Variants in SPAG16 observed in about 807,000 individuals in gnomAD.
SPAG16 encodes sperm-associated antigen 16 protein.
Under a neutral mutation model 80.4 loss-of-function variants are expected in SPAG16, and 86 were observed. That is an observed-to-expected ratio of 1.07 (90% CI 0.90 to 1.28). SPAG16 has a LOEUF of 1.28. SPAG16 is among the 50% of genes most tolerant of loss of function. SPAG16 has a pLI of 0.00. For synonymous variants in SPAG16, 294 were observed against 265.9 expected (o/e 1.11, Z -1.03); for missense variants, 870 against 765.3 (o/e 1.14, Z -1.61).
At chr2:213,853,328 C>G (rs2075000710) in intron 10 of SPAG16, among the ~76,000 whole-genome samples, 1 of 152,180 alleles carries the variant, frequency 6.6e-6, no homozygotes, top group Non-Finnish European at 1.5e-5. Flanking sequence ...CACCTACACA[C>G]ACTCCCTCCA....
intron 10 of SPAG16, among the ~76,000 whole-genome samples, chr2:213,858,454 A>AT (rs1460521691): frequency 7.9e-5 from 12 of 152,296 alleles, no homozygotes; most frequent in African/African-American, 2.9e-4. Context: ...GCAATAAAGT[A>AT]TTTTTTCATT....
At chr2:213,601,310 G>C (rs1256099179) in intron 10 of SPAG16, among the ~76,000 whole-genome samples, 2 of 152,174 alleles carry the variant, frequency 1.3e-5, no homozygotes, top group Non-Finnish European at 2.9e-5. Context: ...TGTTTTGGAA[G>C]AGATGGAGGG....
chr2:214,410,089 G>A, intron 15 of SPAG16, 51 bp from the exon 16 acceptor site: 1 of 1,596,330 alleles, frequency 6.3e-7, no homozygotes, highest in Non-Finnish European at 8.6e-7. Context: ...GTGAACACTT[G>A]AAATAAAACT....
At chr2:214,258,547 A>G (rs1435474874) in intron 15 of SPAG16, among the ~76,000 whole-genome samples, 1 of 150,648 alleles carries the variant, frequency 6.6e-6, no homozygotes, top group African/African-American at 2.4e-5. Flanking sequence ...TTGTTGGTTG[A>G]TGGGCATTTC....
chr2:214,164,278 A>G (rs139104937), intron 15 of SPAG16, among the ~76,000 whole-genome samples: 1 of 152,300 alleles, frequency 6.6e-6, no homozygotes, highest in African/African-American at 2.4e-5. Flanking sequence ...CCAAGTGGTG[A>G]TAAGTCTTAT....
chr2:214,319,253 G>C (rs1695927221), intron 15 of SPAG16, among the ~76,000 whole-genome samples: 1 of 127,614 alleles, frequency 7.8e-6, no homozygotes, highest in Non-Finnish European at 1.8e-5. Context: ...TGAAAGGTCA[G>C]GTTGTGTTTA....
chr2:214,282,867 A>T (rs1693058648), intron 15 of SPAG16, among the ~76,000 whole-genome samples: 1 of 152,122 alleles, frequency 6.6e-6, no homozygotes, highest in Non-Finnish European at 1.5e-5. Flanking sequence ...TTGACATATT[A>T]TGTATGATAG....
At chr2:214,233,931 G>C (rs1212525489) in intron 15 of SPAG16, among the ~76,000 whole-genome samples, 1 of 151,936 alleles carries the variant, frequency 6.6e-6, no homozygotes, top group Non-Finnish European at 1.5e-5. Context: ...GCATGTACAG[G>C]TTTGTTACAT....
At chr2:213,407,329 CT>C (rs1273703799) in intron 9 of SPAG16, among the ~76,000 whole-genome samples, 3 of 151,940 alleles carry the variant, frequency 2.0e-5, no homozygotes, top group African/African-American at 7.3e-5. Flanking sequence ...GGGGTTGAGC[CT>C]TCCAGGGCAA....
intron 9 of SPAG16, among the ~76,000 whole-genome samples, chr2:213,421,361 C>A (rs1454030797): frequency 6.6e-6 from 1 of 152,244 alleles, no homozygotes; most frequent in African/African-American, 2.4e-5. Flanking sequence ...CATTGGGCAC[C>A]AACAAACACA....
At chr2:213,705,689 T>A (rs572256386) in intron 10 of SPAG16, among the ~76,000 whole-genome samples, 1 of 152,288 alleles carries the variant, frequency 6.6e-6, no homozygotes, top group East Asian at 1.9e-4. Flanking sequence ...ACTTCTAAAC[T>A]CCCTTAAAGC....
intron 10 of SPAG16, among the ~76,000 whole-genome samples, chr2:213,700,401 A>T (rs906390997): frequency 1.3e-5 from 2 of 152,104 alleles, no homozygotes; most frequent in African/African-American, 4.8e-5. Flanking sequence ...TGTTATTTAT[A>T]AGAGGTGGAA....
At chr2:213,604,902 C>A (rs959825064) in intron 10 of SPAG16, among the ~76,000 whole-genome samples, 6 of 149,350 alleles carry the variant, frequency 4.0e-5, no homozygotes, top group Admixed American at 1.3e-4. Flanking sequence ...ATTTTGTAAA[C>A]GTTTTTGTAA....
At chr2:214,243,004 A>T (rs1348009297) in intron 15 of SPAG16, among the ~76,000 whole-genome samples, 1 of 152,142 alleles carries the variant, frequency 6.6e-6, no homozygotes, top group Non-Finnish European at 1.5e-5. Flanking sequence ...TGGAAAGATA[A>T]ATGTTTTGAG....
chr2:213,792,295 T>C (rs978571131), intron 10 of SPAG16, among the ~76,000 whole-genome samples: 6 of 152,222 alleles, frequency 3.9e-5, no homozygotes, highest in African/African-American at 1.2e-4. Context: ...TTTGACTTCA[T>C]TGAAGTTCTG....
chr2:213,418,239 A>T (rs2069382747), intron 9 of SPAG16, among the ~76,000 whole-genome samples: 1 of 152,046 alleles, frequency 6.6e-6, no homozygotes, highest in South Asian at 2.1e-4. Context: ...ATATACATGG[A>T]TATTTATATC....
At chr2:213,320,716 A>G (rs2063578073) in intron 5 of SPAG16, among the ~76,000 whole-genome samples, 1 of 151,970 alleles carries the variant, frequency 6.6e-6, no homozygotes, top group African/African-American at 2.4e-5. Context: ...CTCTAGTTTC[A>G]TCTATGTTCC....
chr2:213,590,656 G>T (rs555408306), intron 10 of SPAG16, among the ~76,000 whole-genome samples: 1 of 152,234 alleles, frequency 6.6e-6, no homozygotes, highest in Admixed American at 6.5e-5. Flanking sequence ...AATAACAGAT[G>T]TTGCTAAGGT....
intron 10 of SPAG16, among the ~76,000 whole-genome samples, chr2:213,855,681 T>A (rs2075122909): frequency 6.6e-6 from 1 of 152,140 alleles, no homozygotes; most frequent in Non-Finnish European, 1.5e-5. Flanking sequence ...AAGGCACCCC[T>A]TCACAGGGCA....
Sources: allele counts gnomAD v4.1 joint callset (sites outside exome capture counted in the v4.1 genomes callset), GRCh38; gene constraint gnomAD v4.1.1; transcripts MANE v1.5; gene names NCBI Gene and HGNC (gene_info 2026-07-23, HGNC 2026-07-21).